The following RAP1GAP2 variants were observed in gnomAD, a reference collection of about 807,000 sequenced individuals.
The protein encoded by RAP1GAP2 is rap1 GTPase-activating protein 2.
A neutral mutation model predicts 95.0 loss-of-function variants in RAP1GAP2; 27 were observed. The observed-to-expected ratio is 0.28, with a 90% confidence interval of 0.21 to 0.39. The LOEUF is 0.39. Ranked by LOEUF, RAP1GAP2 falls within the 10% of genes least tolerant of loss-of-function variation. The probability of loss-of-function intolerance (pLI) is 1.00; values close to 1 mark genes in which losing one functional copy is unlikely to be tolerated. For missense variants in RAP1GAP2, 771 were observed against 970.0 expected (o/e 0.79, Z 2.72); for synonymous variants, 373 against 380.9 (o/e 0.98, Z 0.24).
chr17:2,930,873 C>T (rs12949553), intron 3 of RAP1GAP2, among the ~76,000 whole-genome samples: 15,723 of 152,286 alleles, frequency 0.1, 1,029 homozygotes, highest in Non-Finnish European at 0.15. Flanking sequence ...CCTGTAATCC[C>T]AGCACTTTGG....
In RAP1GAP2 at chr17:2,825,244, T is replaced by C. The variant is rs2070498147; in HGVS notation, c.80+24694T>C. ...CCACCACACCTAGTCCCATCTTCCCTTTCAAACACAGGCCTAGCAGCAGCA... is the reference window on the plus strand; with the variant it reads ...CCACCACACCTAGTCCCATCTTCCCCTTCAAACACAGGCCTAGCAGCAGCA... On this transcript the variant is annotated intron_variant, in intron 2 of 24. Coordinates refer to ENST00000254695, the MANE Select transcript of RAP1GAP2 (RefSeq NM_015085.5). The surrounding 1 kb of genome is among the most constrained non-coding windows in gnomAD (Gnocchi z 4.1). 6.6e-6 allele frequency among the ~76,000 whole-genome samples: 1 copy of C among 152,138 alleles called. No homozygotes were observed.
At chr17:2,823,984 G>C (rs187221499) in intron 2 of RAP1GAP2, among the ~76,000 whole-genome samples, 1 of 151,478 alleles carries the variant, frequency 6.6e-6, no homozygotes, top group South Asian at 2.1e-4. Context: ...TTAGCTGGGC[G>C]TGGTGGCGGG....
intron 3 of RAP1GAP2, among the ~76,000 whole-genome samples, chr17:2,918,907 AG>A (rs2042661528): frequency 6.6e-6 from 1 of 152,230 alleles, no homozygotes; most frequent in Non-Finnish European, 1.5e-5. Flanking sequence ...GTATGCAGTA[AG>A]TGCTACATAA....
rs1237758925 is a variant in RAP1GAP2, at chr17:2,797,593, CGT to C, written c.44+1030_44+1031del. 6.0e-6 allele frequency: 4 copies of C among 669,356 alleles called. No individual in the cohort carries two copies. The highest frequency in any genetic ancestry group is 7.9e-4 in the Middle Eastern group (1 of 1,272). 41.5% of individuals were successfully genotyped at this position (669,356 alleles called of 1,614,324 possible). On this transcript the variant is annotated intron_variant, in intron 1 of 24. Transcript: ENST00000254695. This position sits in a 1 kb window ranked among gnomAD's most constrained non-coding sequence, Gnocchi z 5.6. ...GTGTTCCTCGGTAATTTTTCGCTTCCGTGTGTGTGGCTTATTTCCCTCTTCCT... is the reference window on the plus strand; with the variant it reads ...GTGTTCCTCGGTAATTTTTCGCTTCCGTGTGTGGCTTATTTCCCTCTTCCT...
chr17:2,808,343 T>G lies in RAP1GAP2; in HGVS notation c.80+7793T>G, dbSNP rs2069610751. On this transcript the variant is annotated intron_variant, in intron 2 of 24. Transcript: ENST00000254695. ...CCTGTGAGCGCTGGGTGGATGCTGGTCCCATTCATGGAGACGGAGAACTAG... is the reference window on the plus strand; with the variant it reads ...CCTGTGAGCGCTGGGTGGATGCTGGGCCCATTCATGGAGACGGAGAACTAG... Among the ~76,000 whole-genome samples, 3 of 152,194 alleles carry G rather than the reference T, an allele frequency of 2.0e-5. No individual in the cohort carries two copies. The South Asian group carries it at 6.2e-4, about 32-fold the overall frequency.
At chr17:2,756,071 C>T (rs979462407) in intron 1 of RAP1GAP2, among the ~76,000 whole-genome samples, 12 of 152,364 alleles carry the variant, frequency 7.9e-5, no homozygotes, top group Admixed American at 7.8e-4. Flanking sequence ...CTGCACTTCA[C>T]CTTTCACGCT....
intron 1 of RAP1GAP2, among the ~76,000 whole-genome samples, chr17:2,769,501 G>T (rs2068347862): frequency 6.7e-6 from 1 of 148,448 alleles, no homozygotes; most frequent in East Asian, 2.1e-4. Context: ...CTTGCAGTGA[G>T]CCGAGATCGC....
At chr17:2,790,520 C>T (rs1186887078) in intron 1 of RAP1GAP2, among the ~76,000 whole-genome samples, 1 of 152,226 alleles carries the variant, frequency 6.6e-6, no homozygotes, top group Non-Finnish European at 1.5e-5. Context: ...AAGAGTAGGT[C>T]ACCTGCCCCC....
intron 16 of RAP1GAP2, among the ~76,000 whole-genome samples, chr17:3,006,345 A>T (rs531096120): frequency 6.9e-6 from 1 of 145,280 alleles, no homozygotes; most frequent in East Asian, 2.1e-4. Context: ...GGCCAGGCTG[A>T]TCTTGAACTC....
chr17:3,020,303 C>A (rs2304981), intron 18 of RAP1GAP2, among the ~76,000 whole-genome samples, 174 bp from the exon 19 acceptor site: 139,727 of 152,280 alleles, frequency 0.92, 64,244 homozygotes, highest in Non-Finnish European at 0.95. Flanking sequence ...CTGTGACTGG[C>A]CTGAGTCTCC....
upstream of RAP1GAP2, among the ~76,000 whole-genome samples, chr17:2,772,616 C>T (rs1026212079): frequency 4.0e-5 from 6 of 151,460 alleles, no homozygotes; most frequent in South Asian, 2.1e-4. Context: ...TTTTAGTTCC[C>T]GTTATGTGTC....
chr17:3,028,446 C>A (rs1278699749), intron 22 of RAP1GAP2, among the ~76,000 whole-genome samples: 2 of 152,112 alleles, frequency 1.3e-5, no homozygotes, highest in East Asian at 1.9e-4. Flanking sequence ...ACAAATAATT[C>A]TCTGACCCCA....
rs141425797 is a variant in RAP1GAP2 at position 2,845,956 on chromosome 17, G to T, written c.80+45406G>T. On this transcript the variant is annotated intron_variant, in intron 2 of 24. Coordinates refer to ENST00000254695, the MANE Select transcript of RAP1GAP2 (RefSeq NM_015085.5). ...TCCAGCACTTTCGGAGGCCAAGGCGGGTGAATTCCGAGGTGAGGAATTCGA... is the reference window on the plus strand; with the variant it reads ...TCCAGCACTTTCGGAGGCCAAGGCGTGTGAATTCCGAGGTGAGGAATTCGA... Among the ~76,000 whole-genome samples the T allele has an allele frequency of 6.8e-3, 1,032 of 152,074 alleles. 9 individuals are homozygous for T. The highest frequency in any genetic ancestry group is 0.023 in the African/African-American group (964 of 41,474).
intron 2 of RAP1GAP2, among the ~76,000 whole-genome samples, chr17:2,809,984 G>T (rs1337826967): frequency 6.6e-6 from 1 of 151,770 alleles, no homozygotes; most frequent in Non-Finnish European, 1.5e-5. Context: ...TGTCAATAGG[G>T]GCTGTCAGTG....
chr17:2,997,620 C>G lies in RAP1GAP2; in HGVS notation c.1045-601C>G, dbSNP rs1384689996. On this transcript the variant is annotated intron_variant, in intron 13 of 24. Transcript: ENST00000254695. ...TGGCCATCTTCCCCATTTTTTTTTTCCTTTTTGGTGGCTTCTAAAGATTGA... is the reference window on the plus strand; with the variant it reads ...TGGCCATCTTCCCCATTTTTTTTTTGCTTTTTGGTGGCTTCTAAAGATTGA... Among the ~76,000 whole-genome samples, 5 of 151,306 alleles carry G rather than the reference C, an allele frequency of 3.3e-5. No individual in the cohort carries two copies. The South Asian group carries it at 1.0e-3, about 31-fold the overall frequency.
At chr17:2,967,088 G>A (rs62091994) in intron 8 of RAP1GAP2, among the ~76,000 whole-genome samples, 15,232 of 152,236 alleles carry the variant, frequency 0.1, 894 homozygotes, top group Middle Eastern at 0.16. Flanking sequence ...CAGTGTTGTG[G>A]CCAGGCACGG....
chr17:2,826,357 G>A (rs1187305039), intron 2 of RAP1GAP2, among the ~76,000 whole-genome samples: 4 of 151,780 alleles, frequency 2.6e-5, no homozygotes, highest in African/African-American at 9.7e-5. Flanking sequence ...GTGGGGAAGT[G>A]TGTAGAGCTG....
intron 18 of RAP1GAP2, among the ~76,000 whole-genome samples, chr17:3,020,017 C>T (rs2046902500): frequency 6.6e-6 from 1 of 152,224 alleles, no homozygotes; most frequent in South Asian, 2.1e-4. Context: ...TGCGCGGCTC[C>T]ATTTGTTTGC....
rs369688833 is a variant in RAP1GAP2, at chr17:2,998,365, C to G, written c.1189C>G (p.Pro397Ala). Residue 397 changes from proline to alanine, a missense_variant, in exon 14 of 25, where the codon CCA becomes GCA. Transcript: ENST00000254695. ...GGTCGAGACCCCAGGCACAGAGACCCCATCCTACAAGGTAAGGAGAACGCC... is the reference window on the plus strand; with the variant it reads ...GGTCGAGACCCCAGGCACAGAGACCGCATCCTACAAGGTAAGGAGAACGCC... The part of the protein sequence containing the change: ...VQVETPGTET[P>A]SYKVSVTARE... 1 of 1,613,984 alleles carries G rather than the reference C, an allele frequency of 6.2e-7. No homozygotes were observed. The highest frequency in any genetic ancestry group is 1.7e-5 in the Admixed American group (1 of 60,012).
Sources: allele counts gnomAD v4.1 joint callset (sites outside exome capture counted in the v4.1 genomes callset), GRCh38; gene constraint gnomAD v4.1.1; non-coding constraint Gnocchi (gnomAD v3.1); transcripts MANE v1.5; gene names NCBI Gene and HGNC (gene_info 2026-07-23, HGNC 2026-07-21).